ASIC2: variants seen among roughly 807,000 people sequenced by gnomAD.
ASIC2 encodes acid sensing ion channel subunit 2, also known as acid-sensing ion channel 2.
In ASIC2, 25 loss-of-function variants were observed where a neutral mutation model predicts 57.3. That is an observed-to-expected ratio of 0.44 (90% confidence interval 0.32 to 0.61). The LOEUF is 0.61. Among genes scored for constraint, ASIC2 ranks in the 20% least tolerant of loss-of-function variants. The probability of loss-of-function intolerance (pLI) is 0.06; values close to 1 mark genes in which losing one functional copy is unlikely to be tolerated. For missense variants in ASIC2, 641 were observed against 738.1 expected (o/e 0.87, Z 1.52); for synonymous variants, 319 against 307.5 (o/e 1.04, Z -0.39).
chr17:33,500,362 A>C (rs1007461058), intron 1 of ASIC2, among the ~76,000 whole-genome samples: 3 of 152,146 alleles, frequency 2.0e-5, no homozygotes, highest in African/African-American at 7.2e-5. Flanking sequence ...CAGTTTCCAG[A>C]GACAGCTCAG....
intron 1 of ASIC2, among the ~76,000 whole-genome samples, chr17:33,704,338 C>A (rs1908799467): frequency 6.6e-6 from 1 of 152,176 alleles, no homozygotes; most frequent in Non-Finnish European, 1.5e-5. Flanking sequence ...CACGTGTGCA[C>A]TCAGAGAGCC....
rs529886061 is a variant in ASIC2, at chr17:33,900,955, C to T, written c.555+255023G>A. ...GAGAGATGGGGAGACAGGTTCACAG[C>T]TTCCAGGCTCCTGGTCCTTGGCTAT... On this transcript the variant is annotated intron_variant, in intron 1 of 9. Transcript: ENST00000359872. 8.5e-5 allele frequency among the ~76,000 whole-genome samples: 13 copies of T among 152,360 alleles called. No individual in the cohort carries two copies. In the South Asian group the frequency reaches 2.7e-3, roughly 32 times the overall value.
chr17:33,198,368 CA>C (rs1335216942), intron 1 of ASIC2, among the ~76,000 whole-genome samples: 2 of 152,164 alleles, frequency 1.3e-5, no homozygotes, highest in African/African-American at 4.8e-5. Context: ...AAACAAAAAA[CA>C]AACCTAACAT....
intron 3 of ASIC2, among the ~76,000 whole-genome samples, chr17:33,061,853 T>A (rs1013769518): frequency 6.6e-6 from 1 of 152,240 alleles, no homozygotes; most frequent in African/African-American, 2.4e-5. Context: ...GTTATTGGTC[T>A]ATTCAGAGAT....
chr17:33,021,131 G>C, intron 7 of ASIC2, 88 bp downstream of exon 7: 1 of 979,102 alleles, frequency 1.0e-6, no homozygotes, highest in South Asian at 1.6e-5. Context: ...CTATGTGTCT[G>C]TCTGCTTGCC....
intron 1 of ASIC2, among the ~76,000 whole-genome samples, chr17:33,756,801 T>C (rs192054349): frequency 1.3e-5 from 2 of 152,358 alleles, no homozygotes. Flanking sequence ...CAGTGGAAGA[T>C]GCTGTATTGG....
intron 1 of ASIC2, chr17:33,533,744 G>A (rs1915134509): frequency 6.6e-6 from 1 of 152,202 alleles, no homozygotes; most frequent in Admixed American, 6.5e-5. Flanking sequence ...TCTTGCGGAA[G>A]TCATAGCCGG....
intron 1 of ASIC2, among the ~76,000 whole-genome samples, chr17:33,222,091 C>T (rs1907709552): frequency 6.6e-6 from 1 of 152,064 alleles, no homozygotes; most frequent in Admixed American, 6.6e-5. Context: ...ACCTGGGATG[C>T]TTTTTGTAGT....
chr17:34,023,732 A>C (rs1235047999), intron 1 of ASIC2, among the ~76,000 whole-genome samples: 1 of 152,082 alleles, frequency 6.6e-6, no homozygotes, highest in East Asian at 1.9e-4. Flanking sequence ...CAGAGCCTTG[A>C]CTTTGGACCT....
intron 1 of ASIC2, among the ~76,000 whole-genome samples, chr17:33,329,542 G>T (rs1853058905): frequency 6.6e-6 from 1 of 152,168 alleles, no homozygotes; most frequent in African/African-American, 2.4e-5. Flanking sequence ...CTAAGGTCAA[G>T]GTCATCACAC....
chr17:34,006,636 TAC>T (rs1906534883), intron 1 of ASIC2: 3 of 150,980 alleles, frequency 2.0e-5, no homozygotes, highest in Admixed American at 2.0e-4. Flanking sequence ...TTTTGATTGA[TAC>T]AGAATCATTA....
intron 1 of ASIC2, among the ~76,000 whole-genome samples, chr17:33,850,356 C>T (rs1913730958): frequency 6.6e-6 from 1 of 152,180 alleles, no homozygotes; most frequent in Non-Finnish European, 1.5e-5. Context: ...TATCTCGTCG[C>T]CACATATCCT....
chr17:33,267,601 A>G (rs951432710), intron 1 of ASIC2, among the ~76,000 whole-genome samples: 1 of 152,166 alleles, frequency 6.6e-6, no homozygotes, highest in Admixed American at 6.5e-5. Flanking sequence ...CCAAACCCCA[A>G]AGGTGAAGCA....
chr17:33,708,642 T>A (rs1908933009), intron 1 of ASIC2, among the ~76,000 whole-genome samples: 1 of 152,116 alleles, frequency 6.6e-6, no homozygotes, highest in Non-Finnish European at 1.5e-5. Context: ...TGGGATGAGG[T>A]TTCTCTGCTC....
intron 1 of ASIC2, chr17:34,037,503 G>A (rs1044413355): frequency 1.2e-5 from 15 of 1,200,384 alleles, no homozygotes; most frequent in African/African-American, 3.1e-5. Context: ...CAAGAAAATA[G>A]AAGCACCTGG....
chr17:33,017,739 G>A, intron 7 of ASIC2, 55 bp from the exon 8 acceptor site: 3 of 1,530,818 alleles, frequency 2.0e-6, no homozygotes, highest in Non-Finnish European at 2.7e-6. Flanking sequence ...TCCAGGAAGG[G>A]TGAACAGACT....
At chr17:33,710,257 A>T (rs1908986213) in intron 1 of ASIC2, among the ~76,000 whole-genome samples, 1 of 152,182 alleles carries the variant, frequency 6.6e-6, no homozygotes, top group Non-Finnish European at 1.5e-5. Context: ...AAGAAGCTCC[A>T]TTTATCCATT....
chr17:34,038,773 G>C, intron 1 of ASIC2: 1 of 1,611,438 alleles, frequency 6.2e-7, no homozygotes, highest in Non-Finnish European at 8.5e-7. Flanking sequence ...CAGCTCCATT[G>C]GTCTTGCTTT....
chr17:33,338,647 A>G (rs1479738505), intron 1 of ASIC2, among the ~76,000 whole-genome samples: 1 of 152,198 alleles, frequency 6.6e-6, no homozygotes, highest in Non-Finnish European at 1.5e-5. Flanking sequence ...TGGGGTAAGA[A>G]GGTAAACGAT....
Sources: allele counts gnomAD v4.1 joint callset (sites outside exome capture counted in the v4.1 genomes callset), GRCh38; gene constraint gnomAD v4.1.1; transcripts MANE v1.5; gene names NCBI Gene and HGNC (gene_info 2026-07-23, HGNC 2026-07-21).